ECT2L: variants seen among roughly 807,000 people sequenced by gnomAD.
The protein encoded by ECT2L is epithelial cell transforming 2 like, also known as epithelial cell-transforming sequence 2 oncogene-like.
Under a neutral mutation model 122.8 loss-of-function variants are expected in ECT2L, and 126 were observed. That is an observed-to-expected ratio of 1.03 (90% CI 0.89 to 1.19). The LOEUF (loss-of-function observed/expected upper bound fraction) is 1.19, where lower values mean the gene tolerates loss of function less well. Ranked by LOEUF, ECT2L falls within the 50% of genes most tolerant of loss-of-function variation. The probability of loss-of-function intolerance (pLI) is 0.00; values close to 1 mark genes in which losing one functional copy is unlikely to be tolerated. For missense variants in ECT2L, 1,012 were observed against 1,064.1 expected (o/e 0.95, Z 0.68); for synonymous variants, 385 against 381.8 (o/e 1.01, Z -0.10).
At chr6:138,834,538 A>G (rs142299074) in intron 4 of ECT2L, among the ~76,000 whole-genome samples, 1 of 152,310 alleles carries the variant, frequency 6.6e-6, no homozygotes, top group East Asian at 1.9e-4. Flanking sequence ...GGTAGTAGAC[A>G]TGAAAATCTA....
intron 14 of ECT2L, among the ~76,000 whole-genome samples, chr6:138,878,265 C>A: frequency 6.6e-6 from 1 of 151,182 alleles, no homozygotes; most frequent in Admixed American, 6.6e-5. Context: ...GAGAATTCTC[C>A]AATTGAACAA....
At chr6:138,834,935 A>T (rs77811609) in intron 4 of ECT2L, among the ~76,000 whole-genome samples, 10,079 of 142,792 alleles carry the variant, frequency 0.071, 520 homozygotes, top group African/African-American at 0.15. Context: ...ACACACACAC[A>T]CTCTCATTCT....
At chr6:138,811,958 G>A (rs1388819546) in intron 1 of ECT2L, among the ~76,000 whole-genome samples, 1 of 152,084 alleles carries the variant, frequency 6.6e-6, no homozygotes, top group African/African-American at 2.4e-5. Context: ...CAAAGTGCTG[G>A]GATTACAGGC....
intron 10 of ECT2L, among the ~76,000 whole-genome samples, chr6:138,858,985 C>T (rs114960462): frequency 6.6e-6 from 1 of 151,942 alleles, no homozygotes; most frequent in Admixed American, 6.6e-5. Flanking sequence ...CAGGTGTGCA[C>T]CATCCCGCCT....
chr6:138,867,710 T>A (rs1778096212), intron 12 of ECT2L, among the ~76,000 whole-genome samples: 1 of 149,838 alleles, frequency 6.7e-6, no homozygotes, highest in Non-Finnish European at 1.5e-5. Context: ...GCACCTGTAA[T>A]CCTAGCTACT....
rs953834542 is a variant in ECT2L at position 138,902,708 on chromosome 6, G to T, written c.*81G>T. On this transcript the variant is annotated 3_prime_UTR_variant, in exon 22 of 22. Transcript: ENST00000541398. ...TGTATTTTCTGTTCCAAAATATCCAGTAAGAAACAGAATAACTGTCATGGA... is the reference window on the plus strand; with the variant it reads ...TGTATTTTCTGTTCCAAAATATCCATTAAGAAACAGAATAACTGTCATGGA... The T allele has an allele frequency of 1.9e-5, 28 of 1,504,302 alleles. No homozygotes were observed. The highest frequency in any genetic ancestry group is 2.4e-5 in the Non-Finnish European group (26 of 1,093,012). 93.2% of individuals were successfully genotyped at this position (1,504,302 alleles called of 1,614,324 possible). A position where few individuals can be genotyped will look rare whatever the true frequency, so the allele number is the denominator to read the frequency against.
chr6:138,873,531 C>T (rs1321194569), intron 13 of ECT2L, among the ~76,000 whole-genome samples: 2 of 152,226 alleles, frequency 1.3e-5, no homozygotes, highest in Non-Finnish European at 2.9e-5. Flanking sequence ...CAGCGGCTCA[C>T]GCCTGTAATC....
intron 11 of ECT2L, among the ~76,000 whole-genome samples, chr6:138,863,326 G>A (rs1440393252): frequency 6.6e-6 from 1 of 152,158 alleles, no homozygotes; most frequent in Admixed American, 6.5e-5. Flanking sequence ...TGAGAGTGAT[G>A]CAGAAACTAT....
At chr6:138,862,862 T>C (rs1159446635) in intron 11 of ECT2L, 143 bp downstream of exon 11, 4 of 582,174 alleles carry the variant, frequency 6.9e-6, no homozygotes, top group Non-Finnish European at 1.2e-5. Context: ...ACGCTATTAG[T>C]TCCCAAACTA....
rs71270363 is a variant in ECT2L, at chr6:138,888,317, CTTTTTTT to C, written c.2326-615_2326-609del. Among the ~76,000 whole-genome samples the C allele has an allele frequency of 1.4e-4, 18 of 128,646 alleles. 1 individual carries two copies. Among genetic ancestry groups the C allele is most frequent in the Non-Finnish European group, 2.1e-4 (13 of 62,536 alleles). 84.4% of individuals were successfully genotyped at this position (128,646 alleles called of 152,430 possible). A position where few individuals can be genotyped will look rare whatever the true frequency, so the allele number is the denominator to read the frequency against. On this transcript the variant is annotated intron_variant, in intron 19 of 21. Coordinates refer to ENST00000541398, the MANE Select transcript of ECT2L (RefSeq NM_001077706.3). ...CAATTCATTCACTTCTTTTTCTTTT[CTTTTTTT>C]TTTTTTTTTTGAGATGGAGTCTCAC...
intron 1 of ECT2L, among the ~76,000 whole-genome samples, chr6:138,805,753 T>C (rs998814913): frequency 1.3e-5 from 2 of 152,176 alleles, no homozygotes; most frequent in African/African-American, 2.4e-5. Context: ...GGCAGCTGGA[T>C]TCCAAGAGTT....
intron 4 of ECT2L, among the ~76,000 whole-genome samples, chr6:138,835,983 C>G (rs1776821353): frequency 1.3e-5 from 2 of 151,928 alleles, no homozygotes. Flanking sequence ...GTTGAATGAC[C>G]CTCGATTTCT....
At chr6:138,818,877 G>A (rs549151206) in intron 4 of ECT2L, among the ~76,000 whole-genome samples, 1 of 152,144 alleles carries the variant, frequency 6.6e-6, no homozygotes, top group Admixed American at 6.6e-5. Flanking sequence ...CCGGGGGTGG[G>A]GGGTTCTTCC....
At chr6:138,867,396 C>T (rs1032049568) in intron 12 of ECT2L, among the ~76,000 whole-genome samples, 4 of 152,008 alleles carry the variant, frequency 2.6e-5, no homozygotes, top group South Asian at 2.1e-4. Context: ...AACTGTGGGT[C>T]CAGTACGGTG....
intron 11 of ECT2L, 85 bp downstream of exon 11, chr6:138,862,804 C>G: frequency 9.3e-7 from 1 of 1,078,656 alleles, no homozygotes; most frequent in Non-Finnish European, 1.4e-6. Context: ...GTTAATAGTA[C>G]TGGTATGGCT....
chr6:138,858,906 CTA>C (rs1347277939), intron 10 of ECT2L, among the ~76,000 whole-genome samples: 1 of 151,778 alleles, frequency 6.6e-6, no homozygotes, highest in African/African-American at 2.4e-5. Context: ...CAGGGTCTCC[CTA>C]TGTTTCCCAG....
chr6:138,829,845 C>T (rs1258142350), intron 4 of ECT2L, among the ~76,000 whole-genome samples: 1 of 152,096 alleles, frequency 6.6e-6, no homozygotes, highest in African/African-American at 2.4e-5. Flanking sequence ...ACCTCAGCCT[C>T]CAGAGTAGCT....
At chr6:138,836,700 C>A (rs1028178808) in intron 4 of ECT2L, among the ~76,000 whole-genome samples, 2 of 151,722 alleles carry the variant, frequency 1.3e-5, no homozygotes, top group African/African-American at 4.8e-5. Context: ...TTTCCTTCTC[C>A]CCTATTTATT....
At chr6:138,799,553 C>G (rs1775466331) in intron 1 of ECT2L, among the ~76,000 whole-genome samples, 1 of 151,782 alleles carries the variant, frequency 6.6e-6, no homozygotes, top group Non-Finnish European at 1.5e-5. Context: ...CCGCGCCCGG[C>G]CTCTTTTCTT....
Sources: gnomAD v4.1 joint callset for allele counts (sites outside exome capture counted in the v4.1 genomes callset) on GRCh38, gnomAD v4.1.1 for gene constraint, MANE v1.5 for transcripts, NCBI Gene and HGNC (gene_info 2026-07-23, HGNC 2026-07-21) for gene names.